Variants in WDFY1 observed in about 807,000 individuals in gnomAD.
WDFY1 encodes WD repeat and FYVE domain-containing protein 1.
A neutral mutation model predicts 56.4 loss-of-function variants in WDFY1; 32 were observed. The observed-to-expected ratio is 0.57, with a 90% CI of 0.43 to 0.76. WDFY1 has a LOEUF of 0.76. Ranked by LOEUF, WDFY1 falls within the 30% of genes least tolerant of loss-of-function variation. The pLI is 0.00. For missense variants in WDFY1, 480 were observed against 545.7 expected (o/e 0.88, Z 1.20); for synonymous variants, 192 against 197.3 (o/e 0.97, Z 0.23).
chr2:223,900,705 G>C (rs1425309651), intron 5 of WDFY1: 1 of 152,202 alleles, frequency 6.6e-6, no homozygotes, highest in South Asian at 2.1e-4. Flanking sequence ...CAAACCCCAG[G>C]GCTATAAACC....
intron 2 of WDFY1, among the ~76,000 whole-genome samples, chr2:223,913,641 C>T (rs1693740286): frequency 1.3e-5 from 2 of 152,122 alleles, no homozygotes; most frequent in South Asian, 4.1e-4. Context: ...TTGATGCGTT[C>T]AGAGATTCAC....
chr2:223,900,596 C>T (rs1053184107), intron 5 of WDFY1, among the ~76,000 whole-genome samples: 2 of 151,988 alleles, frequency 1.3e-5, no homozygotes, highest in African/African-American at 4.8e-5. Flanking sequence ...GGATCCTGAG[C>T]CATCTTTGAG....
chr2:223,944,712 C>G (rs1460383382), intron 1 of WDFY1, among the ~76,000 whole-genome samples: 3 of 134,640 alleles, frequency 2.2e-5, no homozygotes, highest in Non-Finnish European at 3.1e-5. Context: ...GGACAAGGGT[C>G]CCGGACTGGA....
intron 1 of WDFY1, among the ~76,000 whole-genome samples, chr2:223,934,377 C>T (rs1694134779): frequency 6.6e-6 from 1 of 152,082 alleles, no homozygotes; most frequent in African/African-American, 2.4e-5. Flanking sequence ...AGGCGTGAGC[C>T]ACCACACCCA....
chr2:223,923,580 T>C (rs1319084235), intron 1 of WDFY1, among the ~76,000 whole-genome samples: 1 of 152,036 alleles, frequency 6.6e-6, no homozygotes, highest in Non-Finnish European at 1.5e-5. Flanking sequence ...GCTAACATGG[T>C]GAAACCCTGT....
chr2:223,906,167 T>C (rs1216709286), intron 3 of WDFY1, among the ~76,000 whole-genome samples, 166 bp from the exon 4 acceptor site: 1 of 152,236 alleles, frequency 6.6e-6, no homozygotes, highest in African/African-American at 2.4e-5. Flanking sequence ...TCACCAGACC[T>C]GTCCTCAGGC....
intron 1 of WDFY1, among the ~76,000 whole-genome samples, chr2:223,928,625 C>A (rs924717779): frequency 6.6e-6 from 1 of 152,232 alleles, no homozygotes. Context: ...AAATGTTCCA[C>A]TCCCTAAGAG....
intron 6 of WDFY1, among the ~76,000 whole-genome samples, chr2:223,897,392 T>TATATATATA (rs1559166027): frequency 1.8e-4 from 14 of 78,068 alleles, no homozygotes; most frequent in African/African-American, 5.9e-4. Context: ...ATATATATAT[T>TATATATATA]TTTTAAGACG....
At chr2:223,927,366 T>A (rs1694001244) in intron 1 of WDFY1, among the ~76,000 whole-genome samples, 1 of 152,246 alleles carries the variant, frequency 6.6e-6, no homozygotes, top group African/African-American at 2.4e-5. Context: ...CACTAGATCT[T>A]CTGGATAACT....
At chr2:223,898,315 AAAGT>A (rs1693434726) in intron 6 of WDFY1, among the ~76,000 whole-genome samples, 1 of 152,220 alleles carries the variant, frequency 6.6e-6, no homozygotes, top group South Asian at 2.1e-4. Context: ...AAATTTTTTT[AAAGT>A]AATAACAACA....
rs942429812 is a variant in WDFY1, at chr2:223,921,516, C to A, written c.138-3506G>T. Reference sequence around the variant, plus strand: ...GATTAAAGAGATTTTAGAGGTCTATCCAGCAATTAAAATAGGTAGACTTAC... The same window carrying A: ...GATTAAAGAGATTTTAGAGGTCTATACAGCAATTAAAATAGGTAGACTTAC... On this transcript the variant is annotated intron_variant, in intron 1 of 11. Transcript: ENST00000233055. Among the ~76,000 whole-genome samples the A allele has an allele frequency of 2.6e-5, 4 of 151,950 alleles. No homozygotes were observed. The South Asian group carries it at 8.3e-4, about 32-fold the overall frequency.
At chr2:223,879,204 GA>G (rs1401410537) in intron 11 of WDFY1, among the ~76,000 whole-genome samples, 1 of 152,076 alleles carries the variant, frequency 6.6e-6, no homozygotes. Flanking sequence ...AAGATTTTCA[GA>G]AAGATAAAAC....
chr2:223,887,230 C>G (rs181074352), intron 8 of WDFY1, among the ~76,000 whole-genome samples: 9 of 152,290 alleles, frequency 5.9e-5, no homozygotes, highest in African/African-American at 2.2e-4. Flanking sequence ...CTAAGAGAGA[C>G]ACAGCAGGCT....
At position 223,898,997 on chromosome 2, in the gene WDFY1, T is replaced by A; in HGVS notation, c.559A>T (p.Asn187Tyr). 2 of 1,614,114 alleles carry A rather than the reference T, an allele frequency of 1.2e-6. No homozygotes were observed. Among genetic ancestry groups the A allele is most frequent in the Non-Finnish European group, 1.7e-6 (2 of 1,179,998 alleles). The change falls in exon 6 of 12, where the codon AAC becomes TAC. Residue 187 changes from asparagine to tyrosine, a missense_variant. Transcript: ENST00000233055. ...AGGGTTGTGATGACTGAACACGTGT[T>A]CTGTTCAAGCTTCAGCAGGGTGATC... is the stretch of plus-strand genomic sequence containing the variant. ...GQITLLKLEQ[N>Y]TCSVITTLKG...
intron 3 of WDFY1, among the ~76,000 whole-genome samples, chr2:223,911,613 C>T (rs868038059): frequency 8.2e-6 from 1 of 122,050 alleles, no homozygotes; most frequent in Non-Finnish European, 1.8e-5. Context: ...CACACACACA[C>T]ACAGAGTGAC....
At position 223,880,707 on chromosome 2, in the gene WDFY1, T is replaced by G. The variant is rs1262537302; in HGVS notation, c.1065-475A>C. ...TTTGAAAACTAACCTTATAATTTAA[T>G]GATGACAGAAAGCATGTTAAATCAC... is the stretch of plus-strand genomic sequence containing the variant. On this transcript the variant is annotated intron_variant, in intron 10 of 11. Transcript: ENST00000233055. Among the ~76,000 whole-genome samples the G allele has an allele frequency of 2.0e-5, 3 of 151,928 alleles. No homozygotes were observed. In the South Asian group the frequency reaches 6.2e-4, roughly 32 times the overall value.
intron 3 of WDFY1, among the ~76,000 whole-genome samples, chr2:223,906,630 C>T (rs1693601710): frequency 6.6e-6 from 1 of 150,978 alleles, no homozygotes; most frequent in African/African-American, 2.4e-5. Context: ...AGTGATTCTC[C>T]TGCCTCAGCC....
intron 5 of WDFY1, 84 bp downstream of exon 5, chr2:223,901,099 C>A: frequency 2.0e-6 from 3 of 1,477,322 alleles, no homozygotes; most frequent in Non-Finnish European, 2.7e-6. Flanking sequence ...GTCTTTAGAT[C>A]TCAGCCATTT....
At chr2:223,931,361 G>A (rs992636424) in intron 1 of WDFY1, among the ~76,000 whole-genome samples, 1 of 152,176 alleles carries the variant, frequency 6.6e-6, no homozygotes, top group Admixed American at 6.5e-5. Context: ...GTAGATATAT[G>A]AAAAGTGGAG....
Sources: gnomAD v4.1 joint callset for allele counts (sites outside exome capture counted in the v4.1 genomes callset) on GRCh38, gnomAD v4.1.1 for gene constraint, MANE v1.5 for transcripts, NCBI Gene and HGNC (gene_info 2026-07-23, HGNC 2026-07-21) for gene names.